Variants in ZDHHC21 observed in about 807,000 individuals in gnomAD.
ZDHHC21 encodes palmitoyltransferase ZDHHC21.
ZDHHC21 carries 15 observed loss-of-function variants against 34.6 expected under a neutral mutation model. The ratio of observed to expected loss-of-function variants is 0.43; its 90% CI spans 0.29 to 0.67. The LOEUF (loss-of-function observed/expected upper bound fraction) is 0.67. Ranked by LOEUF, ZDHHC21 falls within the 30% of genes least tolerant of loss-of-function variation. ZDHHC21 has a pLI of 0.14. For missense variants in ZDHHC21, 344 were observed against 327.7 expected (o/e 1.05, Z -0.38); for synonymous variants, 142 against 101.8 (o/e 1.40, Z -2.38).
the ZDHHC21 span, among the ~76,000 whole-genome samples, chr9:14,598,087 C>T: frequency 6.6e-6 from 1 of 152,162 alleles, no homozygotes; most frequent in African/African-American, 2.4e-5. Context: ...GCCCACCGAC[C>T]TCTCTGGCCC....
At chr9:14,593,276 A>T in the ZDHHC21 span, among the ~76,000 whole-genome samples, 1 of 152,180 alleles carries the variant, frequency 6.6e-6, no homozygotes, top group Non-Finnish European at 1.5e-5. Flanking sequence ...CAAAAAAAGA[A>T]GATAGGTTTC....
rs138685293 is a variant in ZDHHC21 at position 14,615,101 on chromosome 9, ACACT to A, written c.*3861_*3864del. 1.5e-4 allele frequency: 23 copies of A among 151,804 alleles called. No homozygotes were observed. Among genetic ancestry groups the A allele is most frequent in the African/African-American group, 5.5e-4 (23 of 41,534 alleles). The allele number at this position is 151,804 out of a possible 1,614,324, so 9.4% of individuals were successfully genotyped here. A position where few individuals can be genotyped will look rare whatever the true frequency, so the allele number is the denominator to read the frequency against. ...TGATTTTATAGCAATACATGTGAAA[ACACT>A]CAAACTACCCCATGATCTAACACAC... On this transcript the variant is annotated 3_prime_UTR_variant, in exon 10 of 10. Transcript: ENST00000380916.
chr9:14,647,517 G>C (rs1251008625), intron 7 of ZDHHC21, among the ~76,000 whole-genome samples: 1 of 151,872 alleles, frequency 6.6e-6, no homozygotes, highest in Non-Finnish European at 1.5e-5. Flanking sequence ...GCTTTCTTTT[G>C]AGCTAACTCC....
rs1355398180 is a variant in ZDHHC21 at position 14,613,051 on chromosome 9, T to TTCACA, written c.*5914_*5915insTGTGA. The TTCACA allele has an allele frequency of 3.3e-5, 5 of 151,958 alleles. No homozygotes were observed. The East Asian group carries it at 5.8e-4, about 18-fold the overall frequency. 9.4% of individuals were successfully genotyped at this position (151,958 alleles called of 1,614,324 possible). ...AACAACTTGTGAAAAGTGCTTCAAT[T>TTCACA]ATCTTTTGTAATTTCAGCCTATCAA... is the stretch of plus-strand genomic sequence containing the variant. On this transcript the variant is annotated 3_prime_UTR_variant, in exon 10 of 10. Coordinates refer to ENST00000380916, the MANE Select transcript of ZDHHC21 (RefSeq NM_178566.6).
chr9:14,672,660 A>G (rs1015854237), intron 5 of ZDHHC21, among the ~76,000 whole-genome samples, 170 bp downstream of exon 5: 15 of 152,018 alleles, frequency 9.9e-5, no homozygotes, highest in Non-Finnish European at 2.9e-5. Flanking sequence ...GTGCAGGGGG[A>G]GCAGGGTTGC....
At chr9:14,679,407 G>A (rs574733513) in intron 3 of ZDHHC21, among the ~76,000 whole-genome samples, 1 of 152,216 alleles carries the variant, frequency 6.6e-6, no homozygotes, top group Admixed American at 6.5e-5. Flanking sequence ...TGTTCGGGAA[G>A]CAACTTATAG....
the ZDHHC21 span, among the ~76,000 whole-genome samples, chr9:14,599,001 G>A: frequency 3.3e-5 from 5 of 152,096 alleles, no homozygotes; most frequent in African/African-American, 9.7e-5. Flanking sequence ...GAGCTCAAGC[G>A]ATCCTCCTGC....
intron 6 of ZDHHC21, 26 bp downstream of exon 6, chr9:14,662,189 C>G: frequency 1.3e-6 from 2 of 1,509,658 alleles, no homozygotes; most frequent in Middle Eastern, 1.7e-4. Flanking sequence ...CCCCTCTTTT[C>G]TTTGCTAGAA....
At chr9:14,643,487 G>C (rs1829759413) in intron 7 of ZDHHC21, among the ~76,000 whole-genome samples, 1 of 152,094 alleles carries the variant, frequency 6.6e-6, no homozygotes, top group Non-Finnish European at 1.5e-5. Flanking sequence ...TCACTCTCTT[G>C]ATGGCACCTT....
rs1407593339 is a variant in ZDHHC21, at chr9:14,612,268, G to A, written c.*6698C>T. The stretch of plus-strand genomic sequence containing the variant: ...ACCATATATTGTATCTACATTCAAG[G>A]AGAGGTTGATTTTAGCTAACAATAA... On this transcript the variant is annotated 3_prime_UTR_variant, in exon 10 of 10. Coordinates refer to ENST00000380916, the MANE Select transcript of ZDHHC21 (RefSeq NM_178566.6). 2 of 151,862 alleles carry A rather than the reference G, an allele frequency of 1.3e-5. No individual in the cohort carries two copies. Among genetic ancestry groups the A allele is most frequent in the Non-Finnish European group, 2.9e-5 (2 of 67,916 alleles). 9.4% of individuals were successfully genotyped at this position (151,862 alleles called of 1,614,324 possible).
At chr9:14,640,841 A>C (rs577351171) in intron 7 of ZDHHC21, among the ~76,000 whole-genome samples, 1 of 152,268 alleles carries the variant, frequency 6.6e-6, no homozygotes, top group East Asian at 1.9e-4. Flanking sequence ...GGGTCCTAAA[A>C]GTAAACCAAA....
chr9:14,688,635 G>C (rs1838711917), intron 2 of ZDHHC21, among the ~76,000 whole-genome samples: 1 of 152,146 alleles, frequency 6.6e-6, no homozygotes, highest in African/African-American at 2.4e-5. Context: ...GCAAAGGCGG[G>C]TGGATCACCT....
the ZDHHC21 span, among the ~76,000 whole-genome samples, chr9:14,604,551 T>C: frequency 6.6e-6 from 1 of 152,160 alleles, no homozygotes; most frequent in African/African-American, 2.4e-5. Context: ...AGGACTTAGA[T>C]GTATCTGTAA....
chr9:14,640,415 C>T (rs867081726), intron 7 of ZDHHC21, among the ~76,000 whole-genome samples: 56 of 151,778 alleles, frequency 3.7e-4, no homozygotes, highest in Admixed American at 2.3e-3. Context: ...TATTTCTCTG[C>T]TAAAAAGTTT....
chr9:14,682,710 C>T (rs552362846), intron 2 of ZDHHC21, among the ~76,000 whole-genome samples: 3 of 152,184 alleles, frequency 2.0e-5, no homozygotes, highest in Non-Finnish European at 4.4e-5. Context: ...ACAGAACTCT[C>T]CACCTCAAAT....
rs1397989078 is a variant in ZDHHC21, at chr9:14,671,291, ACT to A, written c.253+1537_253+1538del. Reference sequence around the variant, plus strand: ...ACCTTCTACATGAGTCTTTTAAAAGACTCTCATTTTAAGGGACCCTCACTCAA... The same window carrying A: ...ACCTTCTACATGAGTCTTTTAAAAGACTCATTTTAAGGGACCCTCACTCAA... On this transcript the variant is annotated intron_variant, in intron 5 of 9. Transcript: ENST00000380916. Among the ~76,000 whole-genome samples the A allele has an allele frequency of 5.9e-5, 9 of 152,048 alleles. No homozygotes were observed. The South Asian group carries it at 6.2e-4, about 11-fold the overall frequency.
intron 4 of ZDHHC21, 37 bp from the exon 5 acceptor site, chr9:14,672,965 C>A (rs755543134): frequency 8.7e-6 from 11 of 1,263,272 alleles, no homozygotes; most frequent in South Asian, 3.2e-5. Flanking sequence ...TAGTCACTTA[C>A]CCTTCAAAAC....
chr9:14,638,830 C>A (rs1422856931), intron 8 of ZDHHC21, among the ~76,000 whole-genome samples: 2 of 151,894 alleles, frequency 1.3e-5, no homozygotes, highest in Non-Finnish European at 1.5e-5. Context: ...CTTAGAACGG[C>A]TTTTATTAAA....
intron 2 of ZDHHC21, chr9:14,683,811 T>C (rs1418536548): frequency 6.6e-6 from 1 of 152,160 alleles, no homozygotes; most frequent in Non-Finnish European, 1.5e-5. Flanking sequence ...AGTAAAATAC[T>C]GGCAAACCGA....
Sources: gnomAD v4.1 joint callset for allele counts (sites outside exome capture counted in the v4.1 genomes callset) on GRCh38, gnomAD v4.1.1 for gene constraint, MANE v1.5 for transcripts, NCBI Gene and HGNC (gene_info 2026-07-23, HGNC 2026-07-21) for gene names.